The following ASIC2 variants were observed in gnomAD, a reference collection of about 807,000 sequenced individuals.
ASIC2 encodes the protein acid-sensing ion channel 2.
ASIC2 carries 25 observed loss-of-function variants against 57.3 expected under a neutral mutation model. The ratio of observed to expected loss-of-function variants is 0.44; its 90% confidence interval spans 0.32 to 0.61. The LOEUF (loss-of-function observed/expected upper bound fraction) is 0.61. Among genes scored for constraint, ASIC2 ranks in the 20% least tolerant of loss-of-function variants. The pLI, the probability that ASIC2 is intolerant of heterozygous loss-of-function variation, is 0.06. For synonymous variants in ASIC2, 319 were observed against 307.5 expected (o/e 1.04, Z -0.39); for missense variants, 641 against 738.1 (o/e 0.87, Z 1.52).
At chr17:33,310,247 T>C (rs1906353795) in intron 1 of ASIC2, among the ~76,000 whole-genome samples, 1 of 151,958 alleles carries the variant, frequency 6.6e-6, no homozygotes, top group African/African-American at 2.4e-5. Context: ...TAGAATACCA[T>C]CTGGCCTGGG....
At position 33,171,695 on chromosome 17, in the gene ASIC2, T is replaced by C. The variant is rs192992082; in HGVS notation, c.709-59628A>G. ...TGATCAAGTGCTCAAGGGCTTTCCA[T>C]TGTCCTCAGACTAGAAATAGAATCC... is the stretch of plus-strand genomic sequence containing the variant. On this transcript the variant is annotated intron_variant, in intron 1 of 9. Coordinates refer to ENST00000225823, the MANE Select transcript of ASIC2 (RefSeq NM_183377.2). Among the ~76,000 whole-genome samples, 4 of 152,348 alleles carry C rather than the reference T, an allele frequency of 2.6e-5. No individual in the cohort carries two copies. In the East Asian group the frequency reaches 7.7e-4, roughly 29 times the overall value.
At chr17:34,062,659 T>C (rs966597739) in intron 1 of ASIC2, among the ~76,000 whole-genome samples, 2 of 152,068 alleles carry the variant, frequency 1.3e-5, no homozygotes, top group African/African-American at 4.8e-5. Context: ...TAAATCCAAA[T>C]AATCTCACTA....
chr17:34,029,505 G>A (rs1016997068), intron 1 of ASIC2, among the ~76,000 whole-genome samples: 9 of 152,010 alleles, frequency 5.9e-5, no homozygotes, highest in African/African-American at 2.2e-4. Flanking sequence ...GTATTGGACT[G>A]AATTCTACTC....
Position 33,056,801 on chromosome 17 carries a change from C to T in ASIC2, c.988-28409G>A, listed in dbSNP as rs550370091. ...TGCTGTCATCAGAAGGAGCTGAGCA[C>T]GTTTTCAGCTCTTCTCCAGCCACCC... is the stretch of plus-strand genomic sequence containing the variant. On this transcript the variant is annotated intron_variant, in intron 3 of 9. Coordinates refer to ENST00000225823, the MANE Select transcript of ASIC2 (RefSeq NM_183377.2). Among the ~76,000 whole-genome samples the T allele has an allele frequency of 4.6e-5, 7 of 152,302 alleles. No homozygotes were observed. The East Asian group carries it at 7.7e-4, about 17-fold the overall frequency.
intron 1 of ASIC2, among the ~76,000 whole-genome samples, chr17:33,839,971 G>T (rs1022235660): frequency 5.9e-5 from 9 of 152,190 alleles, no homozygotes; most frequent in African/African-American, 2.2e-4. Flanking sequence ...TCCAGCCTTA[G>T]GGATAGGTTG....
intron 1 of ASIC2, among the ~76,000 whole-genome samples, chr17:33,557,525 C>T (rs554653654): frequency 9.7e-4 from 148 of 152,296 alleles, no homozygotes; most frequent in African/African-American, 3.4e-3. Context: ...AGCATCTCAA[C>T]AGAGCATTAT....
intron 1 of ASIC2, among the ~76,000 whole-genome samples, chr17:33,284,595 AC>A (rs1905075341): frequency 6.6e-6 from 1 of 152,106 alleles, no homozygotes; most frequent in Non-Finnish European, 1.5e-5. Context: ...TGTGAGTGGT[AC>A]CCTCTATGAA....
chr17:33,082,921 T>A (rs529391240), intron 3 of ASIC2, among the ~76,000 whole-genome samples: 2 of 151,454 alleles, frequency 1.3e-5, no homozygotes, highest in African/African-American at 4.9e-5. Flanking sequence ...TCATCCACTC[T>A]TATCTACACA....
At chr17:33,639,514 G>A (rs1906484525) in intron 1 of ASIC2, among the ~76,000 whole-genome samples, 1 of 152,078 alleles carries the variant, frequency 6.6e-6, no homozygotes, top group Non-Finnish European at 1.5e-5. Flanking sequence ...GGGGTCCCTG[G>A]GAGCCTGCTT....
intron 1 of ASIC2, among the ~76,000 whole-genome samples, chr17:33,122,316 C>T (rs1181605635): frequency 3.3e-5 from 5 of 152,126 alleles, no homozygotes; most frequent in Non-Finnish European, 5.9e-5. Context: ...CTGCCACGTT[C>T]GGTGGAGCAC....
intron 1 of ASIC2, among the ~76,000 whole-genome samples, chr17:33,699,485 G>A (rs555322120): frequency 6.6e-6 from 1 of 152,330 alleles, no homozygotes; most frequent in Admixed American, 6.5e-5. Flanking sequence ...TCCTAGGAAA[G>A]CAAACAATCT....
At chr17:33,382,606 G>C (rs1272355871) in intron 1 of ASIC2, among the ~76,000 whole-genome samples, 1 of 152,224 alleles carries the variant, frequency 6.6e-6, no homozygotes, top group East Asian at 1.9e-4. Context: ...GTCAGACACT[G>C]TGCTGCATAA....
intron 1 of ASIC2, among the ~76,000 whole-genome samples, chr17:33,945,268 C>A (rs1243318778): frequency 6.6e-6 from 1 of 151,784 alleles, no homozygotes; most frequent in Admixed American, 6.6e-5. Flanking sequence ...ATGGGTAACA[C>A]ATTCACAACC....
intron 1 of ASIC2, among the ~76,000 whole-genome samples, chr17:33,115,770 T>G (rs985124620): frequency 6.6e-6 from 1 of 152,202 alleles, no homozygotes; most frequent in South Asian, 2.1e-4. Flanking sequence ...ATTTACATGA[T>G]TATTTGTTGG....
intron 1 of ASIC2, among the ~76,000 whole-genome samples, chr17:33,506,849 T>C (rs1288093027): frequency 6.6e-6 from 1 of 152,090 alleles, no homozygotes; most frequent in African/African-American, 2.4e-5. Flanking sequence ...GCTCAATAAA[T>C]AGCATGCACT....
chr17:34,019,263 C>G lies in ASIC2; in HGVS notation c.555+136715G>C, dbSNP rs115119343. Among the ~76,000 whole-genome samples the G allele has an allele frequency of 9.4e-3, 1,435 of 152,224 alleles. 16 individuals are homozygous for G. The highest frequency in any genetic ancestry group is 0.033 in the African/African-American group (1,376 of 41,546). ...AGCAAAGACACTGTTGAAATGACAACAAAGGATTGAGAATATTCCATAAAC... is the reference window on the plus strand; with the variant it reads ...AGCAAAGACACTGTTGAAATGACAAGAAAGGATTGAGAATATTCCATAAAC... On this transcript the variant is annotated intron_variant, in intron 1 of 9. Coordinates refer to the ASIC2 transcript ENST00000359872.
intron 1 of ASIC2, among the ~76,000 whole-genome samples, chr17:33,353,863 A>G (rs548423213): frequency 4.6e-5 from 7 of 152,256 alleles, no homozygotes; most frequent in Middle Eastern, 3.4e-3. Context: ...CATCAAGGCT[A>G]TACTTGCCAT....
intron 1 of ASIC2, among the ~76,000 whole-genome samples, chr17:33,436,859 T>C (rs923711854): frequency 1.0e-5 from 1 of 96,732 alleles, no homozygotes; most frequent in Non-Finnish European, 2.0e-5. Flanking sequence ...ACTTCTTTTT[T>C]TTTTTTTTTT....
chr17:34,031,194 T>C (rs1907595247), intron 1 of ASIC2, among the ~76,000 whole-genome samples: 1 of 152,202 alleles, frequency 6.6e-6, no homozygotes, highest in South Asian at 2.1e-4. Context: ...CAGCAGCATT[T>C]GCGGTTCACC....
Sources: gnomAD v4.1 joint callset for allele counts (sites outside exome capture counted in the v4.1 genomes callset) on GRCh38, gnomAD v4.1.1 for gene constraint, MANE v1.5 for transcripts, NCBI Gene and HGNC (gene_info 2026-07-23, HGNC 2026-07-21) for gene names.